The following ERBB4 variants were observed in gnomAD, a reference collection of about 807,000 sequenced individuals.
The protein encoded by ERBB4 is erb-b2 receptor tyrosine kinase 4, also known as receptor tyrosine-protein kinase erbB-4.
Under a neutral mutation model 158.0 loss-of-function variants are expected in ERBB4, and 42 were observed. That is an observed-to-expected ratio of 0.27 (90% confidence interval 0.21 to 0.34). ERBB4 has a LOEUF of 0.34. Ranked by LOEUF, ERBB4 falls within the 10% of genes least tolerant of loss-of-function variation. The pLI is 1.00. For synonymous variants in ERBB4, 583 were observed against 558.7 expected (o/e 1.04, Z -0.61); for missense variants, 1,333 against 1,624.1 (o/e 0.82, Z 3.08).
At chr2:211,746,933 G>A (rs537495214) in intron 5 of ERBB4, among the ~76,000 whole-genome samples, 4 of 151,892 alleles carry the variant, frequency 2.6e-5, no homozygotes, top group South Asian at 2.1e-4. Context: ...GGAACCCAGA[G>A]AACTAGGAGG....
intron 20 of ERBB4, among the ~76,000 whole-genome samples, chr2:211,472,896 T>C (rs1347368837): frequency 1.3e-5 from 2 of 151,008 alleles, no homozygotes; most frequent in African/African-American, 2.4e-5. Context: ...AACAATAATA[T>C]AAATATTATT....
At chr2:211,638,298 A>C (rs527516151) in intron 16 of ERBB4, among the ~76,000 whole-genome samples, 2 of 152,188 alleles carry the variant, frequency 1.3e-5, no homozygotes, top group Admixed American at 1.3e-4. Context: ...GAAACAAGAG[A>C]CCTTGAAACA....
chr2:211,820,830 C>T (rs986733884), intron 3 of ERBB4, among the ~76,000 whole-genome samples: 13 of 151,742 alleles, frequency 8.6e-5, no homozygotes, highest in African/African-American at 3.1e-4. Flanking sequence ...AAATGAAAGA[C>T]AAAAACTATG....
chr2:211,762,266 C>A (rs1274097920), intron 4 of ERBB4, among the ~76,000 whole-genome samples: 2 of 152,072 alleles, frequency 1.3e-5, no homozygotes, highest in Non-Finnish European at 1.5e-5. Flanking sequence ...CAATTGGAAG[C>A]GGGGAGGGTG....
rs988483810 is a variant in ERBB4 at position 212,526,976 on chromosome 2, G to C, written c.82+11473C>G. ...ATGGTCACATTTAACTTAGCCTGAG[G>C]GTAAAAGTCAAAAGTTGACTTTTAT... is the stretch of plus-strand genomic sequence containing the variant. On this transcript the variant is annotated intron_variant, in intron 1 of 27. Coordinates refer to ENST00000342788, the MANE Select transcript of ERBB4 (RefSeq NM_005235.3). Among the ~76,000 whole-genome samples the C allele has an allele frequency of 5.9e-5, 9 of 151,712 alleles. No individual in the cohort carries two copies. In the South Asian group the frequency reaches 6.3e-4, roughly 11 times the overall value.
chr2:212,196,553 A>G (rs1296977841), intron 1 of ERBB4, among the ~76,000 whole-genome samples: 7 of 152,162 alleles, frequency 4.6e-5, no homozygotes, highest in Admixed American at 4.6e-4. Flanking sequence ...GCTGTAATTT[A>G]TAATAGTAAA....
chr2:211,417,222 C>T (rs765414230), intron 25 of ERBB4, among the ~76,000 whole-genome samples: 1 of 152,158 alleles, frequency 6.6e-6, no homozygotes, highest in Non-Finnish European at 1.5e-5. Context: ...CTTGTAATCT[C>T]AGCACTTTGG....
In ERBB4 at chr2:212,147,502, A is replaced by G. The variant is rs16847789; in HGVS notation, c.83-22599T>C. On this transcript the variant is annotated intron_variant, in intron 1 of 27. Coordinates refer to ENST00000342788, the MANE Select transcript of ERBB4 (RefSeq NM_005235.3). Reference sequence around the variant, plus strand: ...AAGTAGCACTCAGAATGAGACATCAACTGTGGATTTTTATATCCTAAAGCA... The same window carrying G: ...AAGTAGCACTCAGAATGAGACATCAGCTGTGGATTTTTATATCCTAAAGCA... Among the ~76,000 whole-genome samples the G allele has an allele frequency of 9.7e-3, 1,474 of 152,204 alleles. 27 individuals carry two copies. Among genetic ancestry groups the G allele is most frequent in the African/African-American group, 0.034 (1,402 of 41,524 alleles).
intron 3 of ERBB4, among the ~76,000 whole-genome samples, chr2:211,854,178 T>C (rs1283302903): frequency 2.0e-5 from 3 of 152,078 alleles, no homozygotes; most frequent in African/African-American, 4.8e-5. Flanking sequence ...TCAGAAAATA[T>C]AGAGATGATT....
chr2:212,202,239 G>A (rs1315038410), intron 1 of ERBB4, among the ~76,000 whole-genome samples: 1 of 152,114 alleles, frequency 6.6e-6, no homozygotes, highest in East Asian at 1.9e-4. Context: ...TTTATCAATA[G>A]TGCATATTCA....
chr2:211,981,748 G>A (rs530859675), intron 2 of ERBB4, among the ~76,000 whole-genome samples: 69 of 152,226 alleles, frequency 4.5e-4, no homozygotes, highest in Non-Finnish European at 8.4e-4. Context: ...CACTGTGGCC[G>A]TTTCTGAAGC....
chr2:211,825,993 T>A (rs13031164), intron 3 of ERBB4, among the ~76,000 whole-genome samples: 34,709 of 150,398 alleles, frequency 0.23, 4,143 homozygotes, highest in South Asian at 0.33. Flanking sequence ...GACTAACATT[T>A]TGGATATTAA....
chr2:211,862,697 A>T (rs1452528116), intron 3 of ERBB4, among the ~76,000 whole-genome samples: 1 of 152,222 alleles, frequency 6.6e-6, no homozygotes, highest in Non-Finnish European at 1.5e-5. Flanking sequence ...ACTGCATAAA[A>T]CTGATATATC....
chr2:211,646,855 T>C lies in ERBB4; in HGVS notation c.1946+10899A>G, dbSNP rs141714519. Among the ~76,000 whole-genome samples the C allele has an allele frequency of 9.1e-4, 138 of 151,736 alleles. 3 individuals carry two copies. The East Asian group carries it at 0.024, about 27-fold the overall frequency. ...AAAGCAAAATAGGGTGACCTTCAAG[T>C]TAGAAACATGTAAAGCAACACATTG... On this transcript the variant is annotated intron_variant, in intron 16 of 27. Coordinates refer to ENST00000342788, the MANE Select transcript of ERBB4 (RefSeq NM_005235.3).
At chr2:211,825,226 GATTT>G (rs989913755) in intron 3 of ERBB4, among the ~76,000 whole-genome samples, 3 of 151,628 alleles carry the variant, frequency 2.0e-5, no homozygotes, top group African/African-American at 4.8e-5. Flanking sequence ...AAAACATGTA[GATTT>G]ATTATCATCA....
At chr2:212,151,482 A>G (rs184753597) in intron 1 of ERBB4, among the ~76,000 whole-genome samples, 11 of 146,540 alleles carry the variant, frequency 7.5e-5, no homozygotes, top group African/African-American at 2.2e-4. Context: ...TAAAACCTCA[A>G]TTAAACTCCC....
chr2:211,737,694 G>A (rs577051556), intron 5 of ERBB4, among the ~76,000 whole-genome samples: 1 of 152,228 alleles, frequency 6.6e-6, no homozygotes, highest in Non-Finnish European at 1.5e-5. Context: ...AAGATTTTAT[G>A]TATTATGGGA....
Position 211,538,230 on chromosome 2 carries a change from C to T in ERBB4, c.2487+23673G>A, listed in dbSNP as rs1032795867. ...TACAGGTATCCCTTTTGCAATACTT[C>T]ACGCAGGAGATGATATAGTCTTTAC... On this transcript the variant is annotated intron_variant, in intron 20 of 27. Transcript: ENST00000342788. 1.1e-3 allele frequency among the ~76,000 whole-genome samples: 160 copies of T among 151,854 alleles called. 1 individual carries two copies. The highest frequency in any genetic ancestry group is 3.5e-3 in the African/African-American group (144 of 41,526).
intron 3 of ERBB4, among the ~76,000 whole-genome samples, chr2:211,868,603 T>G (rs1017189161): frequency 1.3e-5 from 2 of 152,198 alleles, no homozygotes; most frequent in African/African-American, 4.8e-5. Context: ...TGTGTTATTT[T>G]GTTTATTCTA....
Sources: gnomAD v4.1 joint callset for allele counts (sites outside exome capture counted in the v4.1 genomes callset) on GRCh38, gnomAD v4.1.1 for gene constraint, MANE v1.5 for transcripts, NCBI Gene and HGNC (gene_info 2026-07-23, HGNC 2026-07-21) for gene names.